TMEM132B: variants seen among roughly 807,000 people sequenced by gnomAD.
TMEM132B encodes transmembrane protein 132B.
TMEM132B carries 18 observed loss-of-function variants against 90.8 expected under a neutral mutation model. The ratio of observed to expected loss-of-function variants is 0.20; its 90% CI spans 0.14 to 0.29. The LOEUF is 0.29. Among genes scored for constraint, TMEM132B ranks in the 10% least tolerant of loss-of-function variants. The pLI, the probability that TMEM132B is intolerant of heterozygous loss-of-function variation, is 1.00. For missense variants in TMEM132B, 1,096 were observed against 1,326.8 expected, an observed-to-expected ratio of 0.83 and a Z score of 2.70; for synonymous variants, 504 against 523.3, an observed-to-expected ratio of 0.96 and a Z score of 0.50.
At chr12:125,229,460 A>T (rs1873765816) in intron 1 of TMEM132B, among the ~76,000 whole-genome samples, 1 of 152,210 alleles carries the variant, frequency 6.6e-6, no homozygotes, top group South Asian at 2.1e-4. Context: ...TTTAATCTGT[A>T]CTAGTTGAAA....
chr12:125,187,907 G>T (rs973998238), intron 1 of TMEM132B, among the ~76,000 whole-genome samples: 53 of 151,988 alleles, frequency 3.5e-4, no homozygotes, highest in Non-Finnish European at 4.4e-5. Context: ...CATGATTTGG[G>T]AACAGGTAGC....
At chr12:125,515,427 TCTCACA>T (rs1458626567) in intron 3 of TMEM132B, among the ~76,000 whole-genome samples, 3 of 122,442 alleles carry the variant, frequency 2.5e-5, no homozygotes, top group East Asian at 4.0e-4. Flanking sequence ...GCTCACACAC[TCTCACA>T]CATACACACA....
chr12:125,498,347 G>A lies in TMEM132B; in HGVS notation c.1107-21092G>A, dbSNP rs1271041951. On this transcript the variant is annotated intron_variant, in intron 3 of 8. Coordinates refer to ENST00000682704, the MANE Select transcript of TMEM132B (RefSeq NM_001366854.1). This position sits in a 1 kb window ranked among gnomAD's most constrained non-coding sequence, Gnocchi z 4.5. ...GAATATGTGCAATAAATCACTGTGT[G>A]TATGTGGATGGTGGGTGAGGGTGTG... Among the ~76,000 whole-genome samples the A allele has an allele frequency of 6.6e-6, 1 of 152,244 alleles. No homozygotes were observed. The highest frequency in any genetic ancestry group is 1.9e-4 in the East Asian group (1 of 5,192).
At chr12:125,361,603 G>A (rs1356491392) in intron 2 of TMEM132B, among the ~76,000 whole-genome samples, 2 of 152,218 alleles carry the variant, frequency 1.3e-5, no homozygotes, top group African/African-American at 2.4e-5. Context: ...CAAGTCGAGA[G>A]CTAAGAGCTT....
chr12:125,365,101 T>C (rs1878086080), intron 2 of TMEM132B, among the ~76,000 whole-genome samples: 1 of 152,002 alleles, frequency 6.6e-6, no homozygotes, highest in Non-Finnish European at 1.5e-5. Context: ...CTTTTTCTTT[T>C]TGTTTGGTAT....
intron 4 of TMEM132B, among the ~76,000 whole-genome samples, chr12:125,555,561 T>C (rs944281759): frequency 2.7e-5 from 3 of 112,410 alleles, no homozygotes; most frequent in Non-Finnish European, 3.4e-5. Flanking sequence ...AAAGGGCCTG[T>C]TGTGGGGTGG....
intron 2 of TMEM132B, among the ~76,000 whole-genome samples, chr12:125,402,627 G>A (rs555679286): frequency 1.3e-5 from 2 of 152,106 alleles, no homozygotes; most frequent in Non-Finnish European, 2.9e-5. Context: ...TTTATAGTTG[G>A]CAGTCAGCAG....
At chr12:125,533,674 C>A (rs1475303664) in intron 4 of TMEM132B, among the ~76,000 whole-genome samples, 1 of 152,178 alleles carries the variant, frequency 6.6e-6, no homozygotes, top group East Asian at 1.9e-4. Flanking sequence ...GCGCCCTCCC[C>A]TCCCCGGCGG....
intron 1 of TMEM132B, among the ~76,000 whole-genome samples, chr12:125,319,739 G>C (rs7306044): frequency 0.19 from 29,068 of 152,212 alleles, 2,882 homozygotes; most frequent in East Asian, 0.31. Context: ...CACTGGCCAG[G>C]TGTAGTGGCT....
chr12:125,415,588 A>C lies in TMEM132B; in HGVS notation c.1017A>C (p.Gln339His), dbSNP rs1879986979. The change falls in exon 3 of 9, where the codon CAA becomes CAC. Residue 339 changes from glutamine (Q) to histidine (H), a missense_variant. Physicochemically the swap from Gln to His is conservative, Grantham distance 24. Coordinates refer to ENST00000682704, the MANE Select transcript of TMEM132B (RefSeq NM_001366854.1). The surrounding 1 kb of genome is among the most constrained non-coding windows in gnomAD (Gnocchi z 5.3). Reference protein sequence around the residue: ...ITAVRVSSEDQWAVQEEIDNG... With the variant: ...ITAVRVSSEDHWAVQEEIDNG... ...CAGTGAGAGTCAGCAGTGAGGACCA[A>C]TGGGCAGTCCAGGAGGAAATTGATA... is the stretch of plus-strand genomic sequence containing the variant. 1 of 1,614,192 alleles carries C rather than the reference A, an allele frequency of 6.2e-7. No individual in the cohort carries two copies. Among genetic ancestry groups the C allele is most frequent in the East Asian group, 2.2e-5 (1 of 44,890 alleles).
intron 2 of TMEM132B, among the ~76,000 whole-genome samples, chr12:125,401,908 T>C (rs1879331731): frequency 6.6e-6 from 1 of 152,220 alleles, no homozygotes; most frequent in African/African-American, 2.4e-5. Context: ...AATTAGGGGT[T>C]GGCAATTCCC....
chr12:125,468,957 A>C (rs1881642594), intron 3 of TMEM132B, among the ~76,000 whole-genome samples: 2 of 152,204 alleles, frequency 1.3e-5, no homozygotes. Context: ...GAATTAGTTT[A>C]TTGGTCCCAA....
chr12:125,612,925 A>T (rs1885876879), intron 5 of TMEM132B, among the ~76,000 whole-genome samples: 1 of 12,322 alleles, frequency 8.1e-5, no homozygotes, highest in Non-Finnish European at 1.2e-4. Context: ...ATATTTATAT[A>T]TTAAAAATAT....
At chr12:125,331,405 C>A (rs1353083096) in intron 1 of TMEM132B, among the ~76,000 whole-genome samples, 2 of 152,330 alleles carry the variant, frequency 1.3e-5, no homozygotes, top group East Asian at 3.9e-4. Context: ...GCCCTGGGGT[C>A]TGTGTGAAGG....
intron 3 of TMEM132B, among the ~76,000 whole-genome samples, chr12:125,428,647 C>T (rs1030438373): frequency 1.3e-5 from 2 of 152,156 alleles, no homozygotes; most frequent in Non-Finnish European, 2.9e-5. Context: ...TTTAACACAG[C>T]CTGCCCCAAC....
chr12:125,306,607 G>T (rs1470278277), intron 1 of TMEM132B, among the ~76,000 whole-genome samples: 2 of 152,154 alleles, frequency 1.3e-5, no homozygotes, highest in Non-Finnish European at 2.9e-5. Flanking sequence ...AAATCTTGTG[G>T]CTCTGTCTTC....
At chr12:125,307,871 T>C (rs1258186057) in intron 1 of TMEM132B, among the ~76,000 whole-genome samples, 2 of 116,240 alleles carry the variant, frequency 1.7e-5, no homozygotes, top group Admixed American at 9.2e-5. Context: ...TATATACTTA[T>C]ATTACTTATA....
At chr12:125,207,513 T>C (rs1873210217) in intron 1 of TMEM132B, among the ~76,000 whole-genome samples, 1 of 152,242 alleles carries the variant, frequency 6.6e-6, no homozygotes, top group South Asian at 2.1e-4. Context: ...GCCAGCCACA[T>C]GTTGATGTGG....
In TMEM132B at chr12:125,554,228, G is replaced by C. The variant is rs908716366; in HGVS notation, c.1294-29623G>C. On this transcript the variant is annotated intron_variant, in intron 4 of 8. Transcript: ENST00000682704. ...CACGAGGTCAGGAGATTGAGACCAT[G>C]CTGGCTAACATGGTGAAACCCTGTC... Among the ~76,000 whole-genome samples the C allele has an allele frequency of 2.6e-5, 4 of 151,492 alleles. No homozygotes were observed. In the South Asian group the frequency reaches 6.3e-4, roughly 24 times the overall value.
Sources: allele counts gnomAD v4.1 joint callset (sites outside exome capture counted in the v4.1 genomes callset), GRCh38; gene constraint gnomAD v4.1.1; non-coding constraint Gnocchi (gnomAD v3.1); transcripts MANE v1.5; gene names NCBI Gene and HGNC (gene_info 2026-07-23, HGNC 2026-07-21).